Variants in HECTD4 observed in about 807,000 individuals in gnomAD.
The protein encoded by HECTD4 is HECT domain E3 ubiquitin protein ligase 4.
In HECTD4, 114 loss-of-function variants were observed where a neutral mutation model predicts 471.5. The observed-to-expected ratio is 0.24, with a 90% CI of 0.21 to 0.28. The LOEUF (loss-of-function observed/expected upper bound fraction) is 0.28, where lower values mean the gene tolerates loss of function less well. Ranked by LOEUF, HECTD4 falls within the 10% of genes least tolerant of loss-of-function variation. The pLI is 1.00. For synonymous variants in HECTD4, 2,012 were observed against 2,256.0 expected, an observed-to-expected ratio of 0.89 and a Z score of 3.07; for missense variants, 3,866 against 5,651.5, an observed-to-expected ratio of 0.68 and a Z score of 10.13.
intron 18 of HECTD4, among the ~76,000 whole-genome samples, chr12:112,260,341 C>T (rs2034114900): frequency 6.6e-6 from 1 of 152,152 alleles, no homozygotes; most frequent in Non-Finnish European, 1.5e-5. Context: ...CCAGGCTCTC[C>T]CATTAGACAG....
intron 9 of HECTD4, 27 bp downstream of exon 9, chr12:112,279,201 A>G (rs1176550208): frequency 6.3e-7 from 1 of 1,585,560 alleles, no homozygotes; most frequent in Non-Finnish European, 8.6e-7. Flanking sequence ...TAAATCGAGG[A>G]AAGTGCCACA....
At position 112,370,939 on chromosome 12, in the gene HECTD4, A is replaced by T. The variant is rs553837312; in HGVS notation, c.177+11013T>A. 6.6e-5 allele frequency among the ~76,000 whole-genome samples: 10 copies of T among 152,330 alleles called. No individual in the cohort carries two copies. The East Asian group carries it at 1.9e-3, about 29-fold the overall frequency. Reference sequence around the variant, plus strand: ...TACAACTATTGACTAAACATCTTGTAAAGCAGACTACACTCCTTGTGTTCA... The same window carrying T: ...TACAACTATTGACTAAACATCTTGTTAAGCAGACTACACTCCTTGTGTTCA... On this transcript the variant is annotated intron_variant, in intron 1 of 75. Transcript: ENST00000682272.
chr12:112,338,378 T>C (rs910140378), intron 1 of HECTD4, among the ~76,000 whole-genome samples: 1 of 152,216 alleles, frequency 6.6e-6, no homozygotes, highest in Non-Finnish European at 1.5e-5. Flanking sequence ...AGTTCTACTT[T>C]GCGAGGCTCA....
intron 1 of HECTD4, among the ~76,000 whole-genome samples, chr12:112,355,334 A>G (rs987030250): frequency 2.6e-4 from 38 of 148,026 alleles, no homozygotes; most frequent in African/African-American, 8.7e-4. Context: ...GGTGGCCGAC[A>G]CCTGTAATCC....
chr12:112,233,770 T>G (rs1031393251), intron 37 of HECTD4, among the ~76,000 whole-genome samples: 10 of 152,124 alleles, frequency 6.6e-5, no homozygotes, highest in African/African-American at 9.7e-5. Flanking sequence ...ACCATAGATG[T>G]GATCCCTTGG....
intron 18 of HECTD4, 79 bp from the exon 19 acceptor site, chr12:112,259,344 A>G (rs2034093146): frequency 2.0e-6 from 3 of 1,472,172 alleles, no homozygotes; most frequent in Non-Finnish European, 1.9e-6. Context: ...TCTTTATCTG[A>G]CAATTTCTCC....
intron 7 of HECTD4, among the ~76,000 whole-genome samples, chr12:112,297,355 G>A (rs1594021893): frequency 6.6e-6 from 1 of 151,580 alleles, no homozygotes. Context: ...GGTAAGTGCA[G>A]AAGGTGTAAG....
chr12:112,171,829 G>A (rs895047097), intron 67 of HECTD4, among the ~76,000 whole-genome samples: 3 of 152,242 alleles, frequency 2.0e-5, no homozygotes, highest in Non-Finnish European at 4.4e-5. Context: ...CCCCTGGGAC[G>A]AGTGTAATGA....
chr12:112,248,989 AT>A (rs2033819282), intron 25 of HECTD4, among the ~76,000 whole-genome samples: 2 of 152,384 alleles, frequency 1.3e-5, no homozygotes, highest in African/African-American at 4.8e-5. Context: ...TATGAATAGT[AT>A]AATGGCATTG....
At chr12:112,288,636 G>C (rs894599049) in intron 7 of HECTD4, among the ~76,000 whole-genome samples, 2 of 152,086 alleles carry the variant, frequency 1.3e-5, no homozygotes, top group Non-Finnish European at 2.9e-5. Flanking sequence ...CTCAAAAAAA[G>C]AAAGCATGAT....
chr12:112,180,406 G>A (rs1305182340), intron 62 of HECTD4, among the ~76,000 whole-genome samples: 1 of 152,034 alleles, frequency 6.6e-6, no homozygotes, highest in Non-Finnish European at 1.5e-5. Context: ...GTGGTGGCGT[G>A]TGCCTGTCTT....
intron 1 of HECTD4, among the ~76,000 whole-genome samples, chr12:112,340,121 C>T (rs1336079073): frequency 6.6e-6 from 1 of 151,780 alleles, no homozygotes; most frequent in African/African-American, 2.4e-5. Flanking sequence ...GGATGTAATT[C>T]ATCATAAGTC....
chr12:112,260,272 G>A (rs755061334), intron 18 of HECTD4, among the ~76,000 whole-genome samples: 8 of 152,182 alleles, frequency 5.3e-5, no homozygotes, highest in Non-Finnish European at 1.0e-4. Context: ...AATGTAGAAA[G>A]AAATGGATTA....
chr12:112,308,359 T>A (rs2035306164), intron 6 of HECTD4, among the ~76,000 whole-genome samples: 1 of 150,288 alleles, frequency 6.7e-6, no homozygotes, highest in African/African-American at 2.5e-5. Context: ...AAGCTCCCTT[T>A]CCCACAGAGA....
intron 1 of HECTD4, among the ~76,000 whole-genome samples, chr12:112,350,169 T>A (rs1318601225): frequency 6.6e-6 from 1 of 152,114 alleles, no homozygotes; most frequent in Admixed American, 6.6e-5. Flanking sequence ...TTGCCTAGGC[T>A]GAACTCCTGG....
chr12:112,228,717 C>A lies in HECTD4; in HGVS notation c.6614G>T (p.Cys2205Phe), dbSNP rs753831180. Residue 2205 changes from cysteine (C) to phenylalanine (F), a missense_variant, in exon 42 of 76, where the codon TGT becomes TTT. Around this residue, in one of 16 missense-constraint regions of HECTD4, gnomAD observed 617 missense variants for 915.1 expected, o/e 0.67. Transcript: ENST00000682272. The surrounding 1 kb of genome is among the most constrained non-coding windows in gnomAD (Gnocchi z 4.9). ...IATVRFPPIDCRKTSQASDTL... is the reference protein window; with the variant it reads ...IATVRFPPIDFRKTSQASDTL... ...GTCTGACGCTTGCGAAGTCTTTCTA[C>A]AGTCTATGGGTGGGAATCTGACTGT... The A allele has an allele frequency of 6.2e-7, 1 of 1,613,524 alleles. No individual in the cohort carries two copies. Among genetic ancestry groups the A allele is most frequent in the Non-Finnish European group, 8.5e-7 (1 of 1,179,788 alleles).
At chr12:112,334,999 C>G (rs2035921649) in intron 1 of HECTD4, among the ~76,000 whole-genome samples, 2 of 152,134 alleles carry the variant, frequency 1.3e-5, no homozygotes, top group Non-Finnish European at 2.9e-5. Context: ...AATCCCACTA[C>G]TGCATATCTA....
chr12:112,265,832 G>C, intron 15 of HECTD4, 46 bp downstream of exon 15: 3 of 1,388,512 alleles, frequency 2.2e-6, no homozygotes, highest in Middle Eastern at 1.8e-4. Context: ...GTAAACTAAC[G>C]ACTGAGAACA....
chr12:112,381,429 T>A lies in HECTD4; in HGVS notation c.177+523A>T, dbSNP rs540153917. ...GACACAACACAGAGAAGTTGCTGGA[T>A]TGCCCATCGCGGACCCGCAGCTGCC... On this transcript the variant is annotated intron_variant, in intron 1 of 75. Coordinates refer to ENST00000682272, the MANE Select transcript of HECTD4 (RefSeq NM_001388303.1). The surrounding 1 kb of genome is among the most constrained non-coding windows in gnomAD (Gnocchi z 4.1). Among the ~76,000 whole-genome samples the A allele has an allele frequency of 1.3e-5, 2 of 152,132 alleles. No individual in the cohort carries two copies. Among genetic ancestry groups the A allele is most frequent in the African/African-American group, 4.8e-5 (2 of 41,510 alleles).
Sources: allele counts gnomAD v4.1 joint callset (sites outside exome capture counted in the v4.1 genomes callset), GRCh38; gene constraint gnomAD v4.1.1; regional missense constraint gnomAD v4.1.1; non-coding constraint Gnocchi (gnomAD v3.1); transcripts MANE v1.5; gene names NCBI Gene and HGNC (gene_info 2026-07-23, HGNC 2026-07-21).